The following BUB1B variants were observed in gnomAD, a reference collection of about 807,000 sequenced individuals.
BUB1B encodes the protein BUB1 mitotic checkpoint serine/threonine kinase B.
In BUB1B, 86 loss-of-function variants were observed where a neutral mutation model predicts 137.7. That is an observed-to-expected ratio of 0.62 (90% CI 0.52 to 0.75). The LOEUF is 0.75. Ranked by LOEUF, BUB1B falls within the 30% of genes least tolerant of loss-of-function variation. BUB1B has a pLI of 0.00. For synonymous variants in BUB1B, 420 were observed against 417.9 expected (o/e 1.00, Z -0.06); for missense variants, 1,130 against 1,236.9 (o/e 0.91, Z 1.30).
Position 40,161,332 on chromosome 15 carries a change from A to G in BUB1B, c.35+77A>G, listed in dbSNP as rs1302222802. The G allele has an allele frequency of 6.6e-6, 10 of 1,525,816 alleles. No individual in the cohort carries two copies. The East Asian group carries it at 2.4e-4, about 37-fold the overall frequency. 94.5% of individuals were successfully genotyped at this position (1,525,816 alleles called of 1,614,324 possible). ...GTAGGTAATAGAAGGCTCCGCTCGG[A>G]GCAGTCGAGGGGGAGATCGGCACCG... On this transcript the variant is annotated intron_variant, in intron 1 of 22. Transcript: ENST00000287598.
chr15:40,161,336 G>C, intron 1 of BUB1B, 81 bp downstream of exon 1: 1 of 1,495,812 alleles, frequency 6.7e-7, no homozygotes, highest in Non-Finnish European at 9.0e-7. Context: ...GCTCGGAGCA[G>C]TCGAGGGGGA....
chr15:40,199,989 T>G (rs760889406), intron 10 of BUB1B: 14 of 586,106 alleles, frequency 2.4e-5, no homozygotes, highest in Non-Finnish European at 3.9e-5. Flanking sequence ...TGGCTTAAGC[T>G]TTTTATTCTA....
chr15:40,183,746 T>C lies in BUB1B; in HGVS notation c.614T>C (p.Leu205Pro). 2 of 1,614,148 alleles carry C rather than the reference T, an allele frequency of 1.2e-6. No homozygotes were observed. The highest frequency in any genetic ancestry group is 8.5e-7 in the Non-Finnish European group (1 of 1,179,990). Residue 205 changes from leucine to proline, a missense_variant, in exon 6 of 23, where the codon CTG (leucine) becomes CCG (proline). Leu to Pro is a moderately conservative substitution (Grantham distance 98, BLOSUM62 -3). Transcript: ENST00000287598. ...QFQARVSRQTLLALEKEEEEE... is the reference protein window; with the variant it reads ...QFQARVSRQTPLALEKEEEEE... Reference sequence around the variant, plus strand: ...CAAGCTCGAGTGTCTCGGCAAACTCTGTTGGCACTTGAGAAAGAAGAAGAG... The same window carrying C: ...CAAGCTCGAGTGTCTCGGCAAACTCCGTTGGCACTTGAGAAAGAAGAAGAG...
intron 8 of BUB1B, among the ~76,000 whole-genome samples, chr15:40,189,279 CCTT>C (rs2037408139): frequency 6.6e-6 from 1 of 152,176 alleles, no homozygotes; most frequent in Non-Finnish European, 1.5e-5. Flanking sequence ...CCTGTCTCAG[CCTT>C]CTGAGTATCT....
At chr15:40,208,988 T>G (rs1323434727) in intron 16 of BUB1B, among the ~76,000 whole-genome samples, 2 of 152,140 alleles carry the variant, frequency 1.3e-5, no homozygotes, top group South Asian at 2.1e-4. Flanking sequence ...TTTGTATTTT[T>G]TGTAGAGGTG....
intron 1 of BUB1B, among the ~76,000 whole-genome samples, chr15:40,164,662 C>CT (rs1174963610): frequency 0.14 from 17,902 of 127,566 alleles, 1,233 homozygotes; most frequent in Non-Finnish European, 0.16. Flanking sequence ...ATTCATTTTT[C>CT]TTTTTTTTTT....
rs1301115559 is a variant in BUB1B at position 40,210,162 on chromosome 15, G to A, written c.2337G>A (p.Lys779=). ...AATACCTAATATGTGAAGATTACAA[G>A]TTATTCTGGGTGGCGCCAAGAAACT... ...KREYLICEDY[K]LFWVAPRNSA... is the part of the protein sequence containing the mutation. Residue 779 remains lysine (K), a synonymous_variant, in exon 18 of 23, where the codon AAG becomes AAA. Coordinates refer to ENST00000287598, the MANE Select transcript of BUB1B (RefSeq NM_001211.6). The A allele has an allele frequency of 6.2e-7, 1 of 1,612,772 alleles. No individual in the cohort carries two copies. Among genetic ancestry groups the A allele is most frequent in the Non-Finnish European group, 8.5e-7 (1 of 1,178,980 alleles).
intron 4 of BUB1B, among the ~76,000 whole-genome samples, chr15:40,175,780 T>G: frequency 6.6e-6 from 1 of 152,190 alleles, no homozygotes; most frequent in Admixed American, 6.5e-5. Context: ...TCACAGCCTT[T>G]TTCTCCAGAC....
rs370388424 is a variant in BUB1B at position 40,206,368 on chromosome 15, C to T, written c.1919C>T (p.Pro640Leu). ...DLPSDPERLL[P>L]EEDLDVKTSE... ...CCTTCTGATCCTGAGAGACTGTTAC[C>T]GGAAGAAGATCTAGATGTAAAGACC... is the stretch of plus-strand genomic sequence containing the variant. Residue 640 changes from proline (P) to leucine (L), a missense_variant, in exon 15 of 23, where the codon CCG becomes CTG. By Grantham distance (98) the Pro-to-Leu change is moderately conservative. Coordinates refer to ENST00000287598, the MANE Select transcript of BUB1B (RefSeq NM_001211.6). 61 of 1,613,972 alleles carry T rather than the reference C, an allele frequency of 3.8e-5. No individual in the cohort carries two copies. Among genetic ancestry groups the T allele is most frequent in the Admixed American group, 1.8e-4 (11 of 60,004 alleles).
chr15:40,179,642 TTTA>T (rs2037260551), intron 5 of BUB1B, among the ~76,000 whole-genome samples: 1 of 152,106 alleles, frequency 6.6e-6, no homozygotes, highest in South Asian at 2.1e-4. Context: ...GGTCTACTAT[TTTA>T]TTATTTGTTC....
chr15:40,202,769 T>A, intron 14 of BUB1B, 75 bp downstream of exon 14: 1 of 1,279,728 alleles, frequency 7.8e-7, no homozygotes, highest in Non-Finnish European at 1.1e-6. Context: ...AGCTTAAGGT[T>A]AAAATTGAAA....
In BUB1B at chr15:40,170,656, G is replaced by A. The variant is rs1349349252; in HGVS notation, c.359G>A (p.Arg120Gln). 1.3e-5 allele frequency: 21 copies of A among 1,613,576 alleles called. No individual in the cohort carries two copies. Among genetic ancestry groups the A allele is most frequent in the Non-Finnish European group, 1.1e-5 (13 of 1,179,726 alleles). Residue 120 changes from arginine to glutamine, a missense_variant, in exon 4 of 23, where the codon CGA becomes CAA. Physicochemically the swap from Arg to Gln is conservative, Grantham distance 43. Transcript: ENST00000287598. ...QGEKRYYSDP[R>Q]FLNLWLKLGR... ...GAAAAACGATATTATAGTGATCCTC[G>A]ATTTCTCAATCTCTGGCTTAAATTA... is the stretch of plus-strand genomic sequence containing the variant.
chr15:40,170,163 G>C (rs1448306921), intron 3 of BUB1B, 42 bp downstream of exon 3: 1 of 1,558,562 alleles, frequency 6.4e-7, no homozygotes, highest in Non-Finnish European at 8.9e-7. Flanking sequence ...AACATTAACA[G>C]ATAAGTCCTT....
intron 10 of BUB1B, 120 bp downstream of exon 10, chr15:40,199,847 C>T (rs759888082): frequency 3.4e-5 from 27 of 795,548 alleles, no homozygotes; most frequent in Non-Finnish European, 5.4e-5. Context: ...AGTTTCTTAG[C>T]TGTTAGTAGC....
chr15:40,220,624 G>A lies in BUB1B; in HGVS notation c.3018G>A (p.Glu1006=), dbSNP rs1197897748. 1 of 1,614,198 alleles carries A rather than the reference G, an allele frequency of 6.2e-7. No individual in the cohort carries two copies. The highest frequency in any genetic ancestry group is 8.5e-7 in the Non-Finnish European group (1 of 1,180,036). ...FFVRILNAND[E]ATVSVLGELA... ...TGCGGATTCTGAATGCCAATGATGA[G>A]GCCACAGTGTCTGTTCTTGGGGAGC... Residue 1006 remains glutamate (E), a synonymous_variant, in exon 23 of 23, where the codon GAG becomes GAA. Coordinates refer to ENST00000287598, the MANE Select transcript of BUB1B (RefSeq NM_001211.6).
chr15:40,200,326 C>A lies in BUB1B; in HGVS notation c.1484C>A (p.Ser495Tyr). ...ESQKIPGMTL[S>Y]SSVCQVNCCA... Reference sequence around the variant, plus strand: ...CAGAAAATACCAGGAATGACTCTATCCAGTTCTGTTTGTCAAGTAAACTGT... The same window carrying A: ...CAGAAAATACCAGGAATGACTCTATACAGTTCTGTTTGTCAAGTAAACTGT... The change falls in exon 11 of 23, where the codon TCC becomes TAC. Residue 495 changes from serine to tyrosine, a missense_variant. Coordinates refer to ENST00000287598, the MANE Select transcript of BUB1B (RefSeq NM_001211.6). 1 of 1,613,866 alleles carries A rather than the reference C, an allele frequency of 6.2e-7. No individual in the cohort carries two copies. The highest frequency in any genetic ancestry group is 1.1e-5 in the South Asian group (1 of 91,056).
At chr15:40,186,787 T>C (rs1444425284) in intron 8 of BUB1B, 1 of 152,070 alleles carries the variant, frequency 6.6e-6, no homozygotes, top group Non-Finnish European at 1.5e-5. Context: ...GTGCAAGAGT[T>C]ACCTCATAAC....
rs780981729 is a variant in BUB1B, at chr15:40,185,539, C to T, written c.967-12C>T. On this transcript the variant is annotated splice_polypyrimidine_tract_variant and intron_variant, in intron 7 of 22. Transcript: ENST00000287598. Reference sequence around the variant, plus strand: ...AAACTATGGTAATTTTAGTTTTCTTCTTCATCTCCAGCCTCGTGGCAATAC... The same window carrying T: ...AAACTATGGTAATTTTAGTTTTCTTTTTCATCTCCAGCCTCGTGGCAATAC... 9.9e-6 allele frequency: 16 copies of T among 1,613,762 alleles called. No individual in the cohort carries two copies. The highest frequency in any genetic ancestry group is 1.0e-5 in the Non-Finnish European group (12 of 1,179,700).
At chr15:40,176,162 G>T (rs1027531378) in intron 4 of BUB1B, among the ~76,000 whole-genome samples, 1 of 152,000 alleles carries the variant, frequency 6.6e-6, no homozygotes, top group Non-Finnish European at 1.5e-5. Context: ...TGTTGCCCAG[G>T]CTTGTCTCAA....
Sources: gnomAD v4.1 joint callset for allele counts (sites outside exome capture counted in the v4.1 genomes callset) on GRCh38, gnomAD v4.1.1 for gene constraint, MANE v1.5 for transcripts, NCBI Gene and HGNC (gene_info 2026-07-23, HGNC 2026-07-21) for gene names.